Variants in PCDH11X observed in about 807,000 individuals in gnomAD.
The protein encoded by PCDH11X is protocadherin-11 X-linked.
Under a neutral mutation model 53.3 loss-of-function variants are expected in PCDH11X, and 18 were observed. The observed-to-expected ratio is 0.34, with a 90% confidence interval of 0.23 to 0.50. PCDH11X has a LOEUF of 0.50. Ranked by LOEUF, PCDH11X falls within the 20% of genes least tolerant of loss-of-function variation. PCDH11X has a pLI of 0.98. For missense variants in PCDH11X, 570 were observed against 1,032.4 expected (o/e 0.55, Z 6.14); for synonymous variants, 279 against 393.3 (o/e 0.71, Z 3.44).
rs1009040099 is a variant in PCDH11X at position 91,854,748 on chromosome X, A to G, written c.540+18704A>G. Among the ~76,000 whole-genome samples, 19 of 112,202 alleles carry G rather than the reference A, an allele frequency of 1.7e-4. No homozygotes were observed. In the East Asian group the frequency reaches 4.2e-3, roughly 25 times the overall value. ...ATTTGCATTTCTCTGATGATTAATTATGTCAAACATCTTTTCATATGCCTG... is the reference window on the plus strand; with the variant it reads ...ATTTGCATTTCTCTGATGATTAATTGTGTCAAACATCTTTTCATATGCCTG... On this transcript the variant is annotated intron_variant, in intron 5 of 10. Transcript: ENST00000682573.
intron 6 of PCDH11X, among the ~76,000 whole-genome samples, chrX:92,115,319 G>A (rs749839334): frequency 6.3e-5 from 7 of 110,336 alleles, no homozygotes; most frequent in African/African-American, 2.3e-4. Flanking sequence ...TTATTGTGAG[G>A]TACTCATAGA....
chrX:91,818,472 G>A (rs1347195168), intron 4 of PCDH11X, among the ~76,000 whole-genome samples: 3 of 110,357 alleles, frequency 2.7e-5, no homozygotes, highest in South Asian at 3.9e-4. Context: ...GGCTGAGGCC[G>A]GTGGATCATG....
At chrX:92,132,669 G>GTATA (rs1230739543) in intron 6 of PCDH11X, among the ~76,000 whole-genome samples, 1 of 51,615 alleles carries the variant, frequency 1.9e-5, no homozygotes. Context: ...ATATATATAT[G>GTATA]TATATGTATA....
intron 9 of PCDH11X, among the ~76,000 whole-genome samples, chrX:92,462,885 G>A (rs1475265318): frequency 9.1e-6 from 1 of 109,810 alleles, no homozygotes; most frequent in Non-Finnish European, 1.9e-5. Context: ...ATTTTAAATT[G>A]ACATTTGTGT....
chrX:92,008,497 G>A (rs1485837463), intron 6 of PCDH11X, among the ~76,000 whole-genome samples: 2 of 111,125 alleles, frequency 1.8e-5, no homozygotes, highest in Admixed American at 1.9e-4. Context: ...GAAGCTCTCT[G>A]CACCATGCCG....
intron 6 of PCDH11X, among the ~76,000 whole-genome samples, chrX:92,132,641 A>ATATATATATGTATATATATATGTG (rs1569376526): frequency 3.8e-5 from 3 of 77,990 alleles, no homozygotes; most frequent in South Asian, 5.4e-4. Flanking sequence ...ATATGTATAT[A>ATATATATATGTATATATATATGTG]TATATATATA....
In PCDH11X at chrX:91,855,158, T is replaced by A. The variant is rs191023189; in HGVS notation, c.540+19114T>A. Among the ~76,000 whole-genome samples the A allele has an allele frequency of 2.4e-3, 271 of 111,990 alleles. 1 individual carries two copies. The highest frequency in any genetic ancestry group is 8.5e-3 in the African/African-American group (263 of 30,782). ...CTTAAATTTAAGTATTTACTCCAAT[T>A]TGATTTGATTTTTCTATATGGTGAG... On this transcript the variant is annotated intron_variant, in intron 5 of 10. Transcript: ENST00000682573.
intron 7 of PCDH11X, among the ~76,000 whole-genome samples, chrX:92,202,476 C>G (rs1254556556): frequency 9.0e-6 from 1 of 110,934 alleles, no homozygotes; most frequent in Non-Finnish European, 1.9e-5. Flanking sequence ...TTTAGAGAGA[C>G]AGTTTAATGA....
chrX:92,090,939 C>T (rs2064037432), intron 6 of PCDH11X, among the ~76,000 whole-genome samples: 1 of 112,147 alleles, frequency 8.9e-6, no homozygotes, highest in Non-Finnish European at 1.9e-5. Context: ...TGCCATTCTT[C>T]CATCAACTGG....
chrX:91,931,899 G>C (rs1265901536), intron 6 of PCDH11X, among the ~76,000 whole-genome samples: 2 of 110,971 alleles, frequency 1.8e-5, no homozygotes, highest in African/African-American at 6.6e-5. Flanking sequence ...ATGTGCCATG[G>C]TGGTTTGCTG....
intron 6 of PCDH11X, among the ~76,000 whole-genome samples, chrX:92,065,318 C>T (rs2063591044): frequency 9.1e-6 from 1 of 109,956 alleles, no homozygotes; most frequent in Admixed American, 9.7e-5. Flanking sequence ...GTGCGGATAT[C>T]ACTTTGTTAT....
chrX:92,264,880 A>AT (rs36145079), intron 8 of PCDH11X, among the ~76,000 whole-genome samples: 6,216 of 87,700 alleles, frequency 0.071, 595 homozygotes, highest in African/African-American at 0.23. Flanking sequence ...GTGAAGGACA[A>AT]TTTTTTTTTT....
At chrX:92,198,409 T>C (rs1249334060) in intron 6 of PCDH11X, among the ~76,000 whole-genome samples, 1 of 1,551 alleles carries the variant, frequency 6.4e-4, no homozygotes, top group Non-Finnish European at 6.2e-3. Flanking sequence ...AGATCCTGTC[T>C]CAAAAAAAAA....
At position 92,469,640 on chromosome X, in the gene PCDH11X, G is replaced by A. The variant is rs779725280; in HGVS notation, c.3367+1318G>A. Among the ~76,000 whole-genome samples, 3 of 111,448 alleles carry A rather than the reference G, an allele frequency of 2.7e-5. No homozygotes were observed. The South Asian group carries it at 1.1e-3, about 41-fold the overall frequency. Reference sequence around the variant, plus strand: ...GGATATCCAGTTTTCAGTTTTCCAGGAAGTATTGATTGAAGAAACTGTCCT... The same window carrying A: ...GGATATCCAGTTTTCAGTTTTCCAGAAAGTATTGATTGAAGAAACTGTCCT... On this transcript the variant is annotated intron_variant, in intron 10 of 10. Coordinates refer to ENST00000682573, the MANE Select transcript of PCDH11X (RefSeq NM_032968.5).
chrX:92,113,771 G>T (rs945046173), intron 6 of PCDH11X: 2 of 1,195,843 alleles, frequency 1.7e-6, no homozygotes, highest in Non-Finnish European at 1.1e-6. Flanking sequence ...ATCCGAATGG[G>T]GTCCCTCATG....
At position 91,959,388 on chromosome X, in the gene PCDH11X, A is replaced by G. The variant is rs752451383; in HGVS notation, c.3033+80115A>G. Among the ~76,000 whole-genome samples, 197 of 111,603 alleles carry G rather than the reference A, an allele frequency of 1.8e-3. 3 individuals are homozygous for G. Among genetic ancestry groups the G allele is most frequent in the African/African-American group, 6.1e-3 (188 of 30,798 alleles). ...CTATGCGGTATTTTAGAGCTTCAGAACTTATTCATCTGAATATTCAACTGA... is the reference window on the plus strand; with the variant it reads ...CTATGCGGTATTTTAGAGCTTCAGAGCTTATTCATCTGAATATTCAACTGA... On this transcript the variant is annotated intron_variant, in intron 6 of 10. Coordinates refer to ENST00000682573, the MANE Select transcript of PCDH11X (RefSeq NM_032968.5).
At position 92,521,040 on chromosome X, in the gene PCDH11X, G is replaced by A. The variant is rs1391140223; in HGVS notation, c.3367+52718G>A. On this transcript the variant is annotated intron_variant, in intron 10 of 10. Coordinates refer to ENST00000682573, the MANE Select transcript of PCDH11X (RefSeq NM_032968.5). ...CTGAAGTCTTGAACCTCTCAAAATT[G>A]TCCATGAGGGTTGGAATAAACTTCT... Among the ~76,000 whole-genome samples, 7 of 110,743 alleles carry A rather than the reference G, an allele frequency of 6.3e-5. No individual in the cohort carries two copies. The East Asian group carries it at 1.7e-3, about 27-fold the overall frequency.
At chrX:92,113,875 A>T (rs2064575225) in intron 6 of PCDH11X, 2 of 1,199,943 alleles carry the variant, frequency 1.7e-6, no homozygotes, top group South Asian at 3.6e-5. Context: ...TATGTCATAG[A>T]TCTGGTCCTT....
intron 10 of PCDH11X, among the ~76,000 whole-genome samples, chrX:92,469,335 C>G (rs1323280147): frequency 1.8e-5 from 2 of 110,653 alleles, no homozygotes; most frequent in African/African-American, 6.6e-5. Context: ...TGGGGTAGTT[C>G]TTCTGTTCTT....
Sources: allele counts gnomAD v4.1 joint callset (sites outside exome capture counted in the v4.1 genomes callset), GRCh38; gene constraint gnomAD v4.1.1; transcripts MANE v1.5; gene names NCBI Gene and HGNC (gene_info 2026-07-23, HGNC 2026-07-21).